Variants in GMEB1 observed in about 807,000 individuals in gnomAD.
The protein encoded by GMEB1 is glucocorticoid modulatory element-binding protein 1.
In GMEB1, 6 loss-of-function variants were observed where a neutral mutation model predicts 52.4. That is an observed-to-expected ratio of 0.11 (90% CI 0.06 to 0.23). GMEB1 has a LOEUF of 0.23. Among genes scored for constraint, GMEB1 ranks in the 10% least tolerant of loss-of-function variants. The pLI, the probability that GMEB1 is intolerant of heterozygous loss-of-function variation, is 1.00. For missense variants in GMEB1, 486 were observed against 685.6 expected (o/e 0.71, Z 3.25); for synonymous variants, 255 against 244.9 (o/e 1.04, Z -0.38).
chr1:28,699,594 A>G lies in GMEB1; in HGVS notation c.598+2510A>G, dbSNP rs527726630. Among the ~76,000 whole-genome samples, 63 of 152,058 alleles carry G rather than the reference A, an allele frequency of 4.1e-4. 1 individual carries two copies. The highest frequency in any genetic ancestry group is 2.3e-3 in the Admixed American group (35 of 15,252). On this transcript the variant is annotated intron_variant, in intron 6 of 9. Coordinates refer to ENST00000373816, the MANE Select transcript of GMEB1 (RefSeq NM_001319674.2). ...CAGGTGCCCGCCACCAAGCCTAGCT[A>G]ATTTTTTGTATTTTTAGTAGAGACG...
intron 4 of GMEB1, 84 bp downstream of exon 4, chr1:28,691,793 C>T: frequency 4.4e-6 from 2 of 459,520 alleles, no homozygotes; most frequent in Middle Eastern, 3.4e-4. Flanking sequence ...TTTTATCTTC[C>T]ACTATATCAG....
At chr1:28,692,856 T>A (rs1670028515) in intron 4 of GMEB1, 86 bp from the exon 5 acceptor site, 1 of 635,638 alleles carries the variant, frequency 1.6e-6, no homozygotes, top group Non-Finnish European at 2.8e-6. Flanking sequence ...TTTATACAAA[T>A]GATGTAGAGT....
intron 9 of GMEB1, among the ~76,000 whole-genome samples, chr1:28,713,551 T>A (rs573619721): frequency 7.2e-5 from 11 of 152,326 alleles, no homozygotes; most frequent in African/African-American, 2.6e-4. Flanking sequence ...CCTCTTTTAG[T>A]TCTGTAATTT....
In GMEB1 at chr1:28,695,045, A is replaced by G. The variant is rs530733253; in HGVS notation, c.441-1882A>G. On this transcript the variant is annotated intron_variant, in intron 5 of 9. Transcript: ENST00000373816. The stretch of plus-strand genomic sequence containing the variant: ...AGTGGCATGATCTTGGCTCACTGCA[A>G]TCTCCACCTCCTGGGTTCAAGTGAT... Among the ~76,000 whole-genome samples the G allele has an allele frequency of 6.0e-5, 9 of 148,980 alleles. No individual in the cohort carries two copies. In the East Asian group the frequency reaches 7.8e-4, roughly 13 times the overall value.
At chr1:28,710,824 G>GA (rs1326716622) in intron 9 of GMEB1, among the ~76,000 whole-genome samples, 182 bp downstream of exon 9, 3 of 148,820 alleles carry the variant, frequency 2.0e-5, no homozygotes, top group Non-Finnish European at 4.5e-5. Flanking sequence ...AGGCACAAAG[G>GA]AAAAAAAAAG....
At chr1:28,680,042 A>G (rs1669326963) in intron 1 of GMEB1, among the ~76,000 whole-genome samples, 1 of 151,970 alleles carries the variant, frequency 6.6e-6, no homozygotes, top group Non-Finnish European at 1.5e-5. Context: ...TCCCGACCTC[A>G]GGTGATCCGC....
rs184199598 is a variant in GMEB1 at position 28,688,931 on chromosome 1, G to A, written c.129-1173G>A. Among the ~76,000 whole-genome samples, 6 of 132,856 alleles carry A rather than the reference G, an allele frequency of 4.5e-5. No individual in the cohort carries two copies. In the Admixed American group the frequency reaches 5.4e-4, roughly 12 times the overall value. The allele number at this position is 132,856 out of a possible 152,430, so 87.2% of individuals were successfully genotyped here. A position where few individuals can be genotyped will look rare whatever the true frequency, so the allele number is the denominator to read the frequency against. On this transcript the variant is annotated intron_variant, in intron 2 of 9. Transcript: ENST00000373816. ...TTTTGAGACAGAGTCTTGCTCCATC[G>A]CCCAGGCTGGAGTACAGTGGTGCGA...
chr1:28,710,622 A>G lies in GMEB1; in HGVS notation c.971A>G (p.Gln324Arg), dbSNP rs1474874981. 5.6e-6 allele frequency: 9 copies of G among 1,603,092 alleles called. No homozygotes were observed. Among genetic ancestry groups the G allele is most frequent in the Non-Finnish European group, 7.7e-6 (9 of 1,174,482 alleles). ...RRNQVEQGEE[Q>R]FLYTLTDLER... ...AACCAAGTAGAGCAGGGAGAAGAACAGTTTCTCTATACTCTGACAGGTATG... is the reference window on the plus strand; with the variant it reads ...AACCAAGTAGAGCAGGGAGAAGAACGGTTTCTCTATACTCTGACAGGTATG... The change falls in exon 9 of 10, where the codon CAG (glutamine) becomes CGG (arginine). Residue 324 changes from glutamine (Q) to arginine (R), a missense_variant. Gln to Arg is a conservative substitution (Grantham distance 43, BLOSUM62 1). Around this residue, in one of 5 missense-constraint regions of GMEB1, gnomAD observed 200 missense variants for 253.5 expected, o/e 0.79. Transcript: ENST00000373816.
intron 5 of GMEB1, among the ~76,000 whole-genome samples, chr1:28,696,376 C>G (rs1474975494): frequency 6.6e-6 from 1 of 152,026 alleles, no homozygotes; most frequent in Non-Finnish European, 1.5e-5. Context: ...TGAGGAATAC[C>G]TTTAACTTTG....
Position 28,714,321 on chromosome 1 carries a change from G to A in GMEB1, c.1240G>A (p.Val414Met). ...GQSFSMGNIP[V>M]ATLSQGSSPV... ...GTCATTTTCCATGGGCAATATTCCA[G>A]TGGCCACCCTCAGCCAGGGCTCCAG... The change falls in exon 10 of 10, where the codon GTG becomes ATG. Residue 414 changes from valine (V) to methionine (M), a missense_variant. Coordinates refer to ENST00000373816, the MANE Select transcript of GMEB1 (RefSeq NM_001319674.2). 3 of 1,614,128 alleles carry A rather than the reference G, an allele frequency of 1.9e-6. No homozygotes were observed. Among genetic ancestry groups the A allele is most frequent in the Non-Finnish European group, 2.5e-6 (3 of 1,180,010 alleles).
intron 1 of GMEB1, among the ~76,000 whole-genome samples, chr1:28,669,747 T>C (rs1158031334): frequency 6.6e-6 from 1 of 152,072 alleles, no homozygotes; most frequent in Non-Finnish European, 1.5e-5. Flanking sequence ...GGTCAGGGGA[T>C]GGAGAAACCT....
At chr1:28,705,498 G>C (rs1200218803) in intron 8 of GMEB1, among the ~76,000 whole-genome samples, 1 of 146,852 alleles carries the variant, frequency 6.8e-6, no homozygotes, top group Non-Finnish European at 1.5e-5. Flanking sequence ...CACCCAGGCT[G>C]GAGTGCAGTG....
chr1:28,674,820 G>A (rs1461763948), intron 1 of GMEB1, among the ~76,000 whole-genome samples: 1 of 126,098 alleles, frequency 7.9e-6, no homozygotes, highest in East Asian at 2.7e-4. Context: ...CCGGGTTCAC[G>A]CCATTCTCCT....
intron 2 of GMEB1, 148 bp downstream of exon 2, chr1:28,683,888 C>G (rs547166236): frequency 3.0e-6 from 2 of 659,644 alleles, no homozygotes; most frequent in African/African-American, 1.9e-5. Flanking sequence ...TACTGTATTG[C>G]GTGCTGTATT....
chr1:28,701,916 A>G (rs1180352075), intron 6 of GMEB1, among the ~76,000 whole-genome samples: 1 of 152,196 alleles, frequency 6.6e-6, no homozygotes, highest in Non-Finnish European at 1.5e-5. Context: ...TGAATCTGCT[A>G]TACATGAATC....
rs1671327899 is a variant in GMEB1 at position 28,718,565 on chromosome 1, T to C, written c.*3792T>C. On this transcript the variant is annotated 3_prime_UTR_variant, in exon 10 of 10. Coordinates refer to ENST00000373816, the MANE Select transcript of GMEB1 (RefSeq NM_001319674.2). Reference sequence around the variant, plus strand: ...GTAGTGAGCTATGACTTTGCCACTGTACTCTAGCCCAGGTAACAGGGCAAC... The same window carrying C: ...GTAGTGAGCTATGACTTTGCCACTGCACTCTAGCCCAGGTAACAGGGCAAC... 6.6e-6 allele frequency: 1 copy of C among 152,224 alleles called. No individual in the cohort carries two copies. Among genetic ancestry groups the C allele is most frequent in the South Asian group, 2.1e-4 (1 of 4,832 alleles). The allele number at this position is 152,224 out of a possible 1,614,324, so 9.4% of individuals were successfully genotyped here.
chr1:28,676,520 G>GATCGAGACC (rs1324504839), intron 1 of GMEB1, among the ~76,000 whole-genome samples: 20 of 152,034 alleles, frequency 1.3e-4, no homozygotes, highest in African/African-American at 4.3e-4. Flanking sequence ...GAGGCCAGGA[G>GATCGAGACC]ATCGAGACCA....
chr1:28,674,708 C>CTTTTTTTTTT (rs34267851), intron 1 of GMEB1, among the ~76,000 whole-genome samples: 1 of 49,118 alleles, frequency 2.0e-5, no homozygotes, highest in Non-Finnish European at 3.6e-5. Context: ...ATAGTTAATT[C>CTTTTTTTTTT]TTTTTTTTTT....
Position 28,691,910 on chromosome 1 carries a change from G to A in GMEB1, c.336+201G>A, listed in dbSNP as rs146187425. Among the ~76,000 whole-genome samples the A allele has an allele frequency of 3.4e-3, 513 of 151,616 alleles. 1 individual carries two copies. Among genetic ancestry groups the A allele is most frequent in the African/African-American group, 0.012 (485 of 41,328 alleles). ...AAATAAGAACTTTGGGTTGGGTGTG[G>A]TGGCTCATGCCTGTAATCCTAGCAC... On this transcript the variant is annotated intron_variant, in intron 4 of 9. Coordinates refer to ENST00000373816, the MANE Select transcript of GMEB1 (RefSeq NM_001319674.2).
Sources: gnomAD v4.1 joint callset for allele counts (sites outside exome capture counted in the v4.1 genomes callset) on GRCh38, gnomAD v4.1.1 for gene constraint, gnomAD v4.1.1 regional missense constraint, MANE v1.5 for transcripts, NCBI Gene and HGNC (gene_info 2026-07-23, HGNC 2026-07-21) for gene names.